The following NME7 variants were observed in gnomAD, a reference collection of about 807,000 sequenced individuals.
NME7 encodes nucleoside diphosphate kinase 7.
A neutral mutation model predicts 49.1 loss-of-function variants in NME7; 41 were observed. The ratio of observed to expected loss-of-function variants is 0.83; its 90% CI spans 0.65 to 1.08. The LOEUF is 1.08. Among genes scored for constraint, NME7 ranks in the 50% least tolerant of loss-of-function variants. The pLI is 0.00. For synonymous variants in NME7, 139 were observed against 150.6 expected, an observed-to-expected ratio of 0.92 and a Z score of 0.56; for missense variants, 423 against 463.4, an observed-to-expected ratio of 0.91 and a Z score of 0.80.
At chr1:169,314,987 T>C (rs1651561308) in intron 3 of NME7, among the ~76,000 whole-genome samples, 1 of 152,076 alleles carries the variant, frequency 6.6e-6, no homozygotes, top group Non-Finnish European at 1.5e-5. Flanking sequence ...AAAGATTCAA[T>C]TTACCAAGAA....
In NME7 at chr1:169,224,091, C is replaced by A. The variant is rs558770532; in HGVS notation, c.990+6627G>T. On this transcript the variant is annotated intron_variant, in intron 10 of 11. Transcript: ENST00000367811. Reference sequence around the variant, plus strand: ...CCCCATGAAGATGCTCTTCTCATCTCACACAGGCTTCAATATCCTGACCCA... The same window carrying A: ...CCCCATGAAGATGCTCTTCTCATCTAACACAGGCTTCAATATCCTGACCCA... Among the ~76,000 whole-genome samples the A allele has an allele frequency of 2.0e-5, 3 of 152,326 alleles. No homozygotes were observed. In the South Asian group the frequency reaches 6.2e-4, roughly 32 times the overall value.
intron 10 of NME7, among the ~76,000 whole-genome samples, chr1:169,191,139 C>T (rs2101763343): frequency 6.6e-6 from 1 of 152,208 alleles, no homozygotes; most frequent in Admixed American, 6.5e-5. Flanking sequence ...AAGAAAACAA[C>T]CAGAAAAATG....
At chr1:169,201,441 G>A (rs1180295773) in intron 10 of NME7, among the ~76,000 whole-genome samples, 1 of 152,100 alleles carries the variant, frequency 6.6e-6, no homozygotes, top group Non-Finnish European at 1.5e-5. Context: ...TTGCAGTGAA[G>A]TAATTCTGAA....
chr1:169,188,072 G>A (rs1400950900), intron 10 of NME7, among the ~76,000 whole-genome samples: 1 of 152,036 alleles, frequency 6.6e-6, no homozygotes, highest in East Asian at 1.9e-4. Flanking sequence ...TTGAATATTG[G>A]CCCCTACTCT....
intron 1 of NME7, among the ~76,000 whole-genome samples, chr1:169,341,635 C>T (rs1652704131): frequency 6.6e-6 from 1 of 152,198 alleles, no homozygotes; most frequent in Admixed American, 6.5e-5. Context: ...CCTTTGAAAG[C>T]AGCCATGGGG....
At chr1:169,165,549 T>G (rs1438243393) in intron 11 of NME7, among the ~76,000 whole-genome samples, 1 of 152,192 alleles carries the variant, frequency 6.6e-6, no homozygotes, top group East Asian at 1.9e-4. Context: ...TGATTAGAGC[T>G]GCCTTTCAAA....
intron 10 of NME7, among the ~76,000 whole-genome samples, chr1:169,193,453 T>C (rs1389016892): frequency 1.3e-5 from 2 of 152,156 alleles, no homozygotes; most frequent in African/African-American, 4.8e-5. Context: ...CTTTTACTTA[T>C]TGATGGATTT....
At chr1:169,237,598 T>C in intron 8 of NME7, 25 bp downstream of exon 8, 1 of 1,559,550 alleles carries the variant, frequency 6.4e-7, no homozygotes, top group Non-Finnish European at 8.8e-7. Flanking sequence ...CTCACAAATA[T>C]TATGGTTCAT....
intron 11 of NME7, among the ~76,000 whole-genome samples, chr1:169,143,203 A>G: frequency 6.7e-6 from 1 of 148,700 alleles, no homozygotes; most frequent in Non-Finnish European, 1.5e-5. Context: ...GAGGATAAAG[A>G]TCCATATTCT....
chr1:169,224,024 C>T (rs1661226475), intron 10 of NME7, among the ~76,000 whole-genome samples: 2 of 152,134 alleles, frequency 1.3e-5, no homozygotes, highest in South Asian at 4.1e-4. Context: ...TTGATGAATT[C>T]TACCACATAT....
At chr1:169,360,432 T>A (rs558820129) in intron 1 of NME7, among the ~76,000 whole-genome samples, 1 of 152,324 alleles carries the variant, frequency 6.6e-6, no homozygotes, top group African/African-American at 2.4e-5. Flanking sequence ...AATATTTTGA[T>A]GGAATAGGTA....
chr1:169,320,694 T>C (rs1184386592), intron 3 of NME7, among the ~76,000 whole-genome samples: 4 of 152,216 alleles, frequency 2.6e-5, no homozygotes, highest in Admixed American at 2.0e-4. Flanking sequence ...TACTAACCCA[T>C]ATGCAATTAA....
At chr1:169,283,823 T>C (rs1240922881) in intron 7 of NME7, 1 of 152,252 alleles carries the variant, frequency 6.6e-6, no homozygotes, top group Admixed American at 6.5e-5. Context: ...CTGCTGTTAG[T>C]CTGAATGGGC....
intron 7 of NME7, among the ~76,000 whole-genome samples, chr1:169,248,256 T>A (rs1421717932): frequency 6.6e-6 from 1 of 152,110 alleles, no homozygotes; most frequent in Non-Finnish European, 1.5e-5. Context: ...ATTTTTCATA[T>A]GTTCTTTACC....
intron 6 of NME7, among the ~76,000 whole-genome samples, chr1:169,294,105 C>A (rs193181684): frequency 4.6e-5 from 7 of 152,064 alleles, no homozygotes; most frequent in Admixed American, 4.6e-4. Flanking sequence ...TAAAAGATAA[C>A]ATCCATTCAT....
chr1:169,299,696 T>A (rs1650864827), intron 5 of NME7, among the ~76,000 whole-genome samples: 1 of 152,102 alleles, frequency 6.6e-6, no homozygotes, highest in Non-Finnish European at 1.5e-5. Flanking sequence ...CTCCCCTCAG[T>A]ACTTCCTTTT....
At chr1:169,160,115 C>T (rs1203324456) in intron 11 of NME7, among the ~76,000 whole-genome samples, 1 of 152,122 alleles carries the variant, frequency 6.6e-6, no homozygotes, top group Admixed American at 6.5e-5. Flanking sequence ...TACAGTGACA[C>T]AGCTCTTTCC....
intron 10 of NME7, among the ~76,000 whole-genome samples, chr1:169,199,478 T>C (rs1431931768): frequency 6.8e-6 from 1 of 147,178 alleles, no homozygotes; most frequent in Non-Finnish European, 1.5e-5. Context: ...ATTATTATTA[T>C]TATTATTATT....
At position 169,132,754 on chromosome 1, in the gene NME7, C is replaced by A; in HGVS notation, c.*31G>T. 1 of 1,605,202 alleles carries A rather than the reference C, an allele frequency of 6.2e-7. No homozygotes were observed. The highest frequency in any genetic ancestry group is 8.5e-7 in the Non-Finnish European group (1 of 1,173,516). ...TGTGATTCACTCTTGTCTAAATGTCCCAACCTGTGACTTCTTTACTTTCCA... is the reference window on the plus strand; with the variant it reads ...TGTGATTCACTCTTGTCTAAATGTCACAACCTGTGACTTCTTTACTTTCCA... On this transcript the variant is annotated 3_prime_UTR_variant, in exon 12 of 12. Coordinates refer to ENST00000367811, the MANE Select transcript of NME7 (RefSeq NM_013330.5).
Sources: gnomAD v4.1 joint callset for allele counts (sites outside exome capture counted in the v4.1 genomes callset) on GRCh38, gnomAD v4.1.1 for gene constraint, MANE v1.5 for transcripts, NCBI Gene and HGNC (gene_info 2026-07-23, HGNC 2026-07-21) for gene names.